Variants in PCDHGB4 observed in about 807,000 individuals in gnomAD.
PCDHGB4 encodes protocadherin gamma-B4.
In PCDHGB4, 38 loss-of-function variants were observed where a neutral mutation model predicts 60.5. The observed-to-expected ratio is 0.63, with a 90% CI of 0.48 to 0.82. The LOEUF is 0.82. PCDHGB4 is among the 40% of genes least tolerant of loss of function. The pLI is 0.00. For missense variants in PCDHGB4, 1,109 were observed against 1,209.6 expected (o/e 0.92, Z 1.23); for synonymous variants, 456 against 509.7 (o/e 0.89, Z 1.42).
intron 1 of PCDHGB4, chr5:141,409,926 T>G: frequency 6.2e-7 from 1 of 1,613,344 alleles, no homozygotes; most frequent in Non-Finnish European, 8.5e-7. Flanking sequence ...TCCGCGTTCT[T>G]CGATATGGTA....
rs2099883868 is a variant in PCDHGB4 at position 141,511,590 on chromosome 5, A to G, written c.*417A>G. On this transcript the variant is annotated 3_prime_UTR_variant, in exon 4 of 4. Transcript: ENST00000519479. The stretch of plus-strand genomic sequence containing the variant: ...AGTAAGGTGGTTGGGGTGTTGAAGT[A>G]CCAAGTAACCTACAAGCCTCCTAGT... 3.7e-6 allele frequency: 1 copy of G among 267,908 alleles called. No individual in the cohort carries two copies. The highest frequency in any genetic ancestry group is 7.4e-6 in the Non-Finnish European group (1 of 135,038). 16.6% of individuals were successfully genotyped at this position (267,908 alleles called of 1,614,324 possible). A position where few individuals can be genotyped will look rare whatever the true frequency, so the allele number is the denominator to read the frequency against.
chr5:141,477,553 A>T lies in PCDHGB4; in HGVS notation c.2398-17254A>T, dbSNP rs1478806410. 6.2e-7 allele frequency: 1 copy of T among 1,614,090 alleles called. No homozygotes were observed. Among genetic ancestry groups the T allele is most frequent in the Admixed American group, 1.7e-5 (1 of 60,028 alleles). On this transcript the variant is annotated intron_variant, in intron 1 of 3. Coordinates refer to ENST00000519479, the MANE Select transcript of PCDHGB4 (RefSeq NM_003736.4). The surrounding 1 kb of genome is among the most constrained non-coding windows in gnomAD (Gnocchi z 4.9). ...TCCCCGGGGCTCCAATACTAAACCT[A>T]AGTGTCTGGGACCCCGACGCCCCGC...
At chr5:141,504,545 TGTTGGGGG>T in intron 2 of PCDHGB4, among the ~76,000 whole-genome samples, 1 of 151,524 alleles carries the variant, frequency 6.6e-6, no homozygotes, top group South Asian at 2.1e-4. Flanking sequence ...TCATGGCAAA[TGTTGGGGG>T]ACTGGCATTC....
rs747159210 is a variant in PCDHGB4, at chr5:141,511,184, A to C, written c.*11A>C. 1.2e-5 allele frequency: 19 copies of C among 1,613,876 alleles called. No homozygotes were observed. In the Admixed American group the frequency reaches 3.2e-4, roughly 27 times the overall value. ...AAGGAGAAGAAGTAACATGGAGGCC[A>C]GGCCAAGAGCCACAGGGCGGCCTCT... is the stretch of plus-strand genomic sequence containing the variant. On this transcript the variant is annotated 3_prime_UTR_variant, in exon 4 of 4. Transcript: ENST00000519479.
At chr5:141,498,796 G>A (rs1160540093) in intron 2 of PCDHGB4, among the ~76,000 whole-genome samples, 1 of 152,032 alleles carries the variant, frequency 6.6e-6, no homozygotes, top group Non-Finnish European at 1.5e-5. Context: ...AGCCAGGTGT[G>A]GTGGTGCACA....
At chr5:141,465,983 A>G (rs1219092160) in intron 1 of PCDHGB4, among the ~76,000 whole-genome samples, 1 of 151,944 alleles carries the variant, frequency 6.6e-6, no homozygotes, top group East Asian at 1.9e-4. Context: ...TTAGCCGGGC[A>G]TGGTGGCAGG....
intron 1 of PCDHGB4, chr5:141,484,853 G>T (rs747582810): frequency 2.5e-4 from 64 of 251,466 alleles, no homozygotes; most frequent in Non-Finnish European, 4.3e-4. Flanking sequence ...GGGTTTTTTG[G>T]GGGGTGGGGG....
At chr5:141,453,492 G>A (rs1046043468) in intron 1 of PCDHGB4, among the ~76,000 whole-genome samples, 7 of 152,000 alleles carry the variant, frequency 4.6e-5, no homozygotes, top group African/African-American at 7.3e-5. Context: ...AAAAAAAGGT[G>A]TACTCAGAAA....
At chr5:141,422,166 T>A (rs370704205) in intron 1 of PCDHGB4, 1 of 1,569,256 alleles carries the variant, frequency 6.4e-7, no homozygotes, top group African/African-American at 1.4e-5. Context: ...TTGAAAAATA[T>A]AGATTCTATG....
Position 141,432,911 on chromosome 5 carries a change from C to G in PCDHGB4, c.2397+42630C>G. 5 of 1,614,176 alleles carry G rather than the reference C, an allele frequency of 3.1e-6. No homozygotes were observed. Among genetic ancestry groups the G allele is most frequent in the Non-Finnish European group, 4.2e-6 (5 of 1,180,014 alleles). Reference sequence around the variant, plus strand: ...CTTGCTGCTGGCGCTCAGGCTGCGGCGCTGGCACAAGTCACGCCTGCTGCA... The same window carrying G: ...CTTGCTGCTGGCGCTCAGGCTGCGGGGCTGGCACAAGTCACGCCTGCTGCA... On this transcript the variant is annotated intron_variant, in intron 1 of 3. Transcript: ENST00000519479. This position sits in a 1 kb window ranked among gnomAD's most constrained non-coding sequence, Gnocchi z 6.0.
intron 1 of PCDHGB4, among the ~76,000 whole-genome samples, chr5:141,406,034 A>T (rs1438349168): frequency 6.7e-6 from 1 of 149,160 alleles, no homozygotes; most frequent in Non-Finnish European, 1.5e-5. Flanking sequence ...GGGTTGCTTC[A>T]TTGGTTGCAG....
chr5:141,477,639 G>T lies in PCDHGB4; in HGVS notation c.2398-17168G>T, dbSNP rs2099414883. ...GGAGCTGAAACCGGGCTAGTGGGTCGCTATTTCACAATAAATCGTGACAAT... is the reference window on the plus strand; with the variant it reads ...GGAGCTGAAACCGGGCTAGTGGGTCTCTATTTCACAATAAATCGTGACAAT... On this transcript the variant is annotated intron_variant, in intron 1 of 3. Transcript: ENST00000519479. The surrounding 1 kb of genome is among the most constrained non-coding windows in gnomAD (Gnocchi z 4.9). 3.1e-6 allele frequency: 5 copies of T among 1,614,004 alleles called. No homozygotes were observed. Among genetic ancestry groups the T allele is most frequent in the Non-Finnish European group, 4.2e-6 (5 of 1,180,034 alleles).
chr5:141,413,388 C>T (rs765673305), intron 1 of PCDHGB4: 39 of 1,614,012 alleles, frequency 2.4e-5, no homozygotes, highest in Non-Finnish European at 3.2e-5. Context: ...TCCGCATAGT[C>T]TCCAGAGGTA....
chr5:141,395,123 TC>T, intron 1 of PCDHGB4: 1 of 1,614,148 alleles, frequency 6.2e-7, no homozygotes, highest in Non-Finnish European at 8.5e-7. Flanking sequence ...ACCTGATCTT[TC>T]CCCAGCCCAA....
chr5:141,407,807 T>G (rs916388568), intron 1 of PCDHGB4, among the ~76,000 whole-genome samples: 1 of 152,202 alleles, frequency 6.6e-6, no homozygotes, highest in African/African-American at 2.4e-5. Context: ...CATAGAAATA[T>G]CTACTATAAT....
intron 1 of PCDHGB4, chr5:141,479,712 C>T (rs1488849933): frequency 6.6e-6 from 1 of 152,216 alleles, no homozygotes; most frequent in Non-Finnish European, 1.5e-5. Flanking sequence ...CCCTGTCCTT[C>T]CAGCCTTATT....
chr5:141,404,908 C>T, intron 1 of PCDHGB4: 1 of 1,613,882 alleles, frequency 6.2e-7, no homozygotes, highest in Non-Finnish European at 8.5e-7. Context: ...ATGGCCAGCC[C>T]CCTCTCTCGG....
At chr5:141,426,625 A>G (rs770683989) in intron 1 of PCDHGB4, 29 of 394,754 alleles carry the variant, frequency 7.3e-5, no homozygotes, top group South Asian at 7.2e-5. Context: ...AATCCTCTAA[A>G]TGTTTTTCAC....
At chr5:141,481,913 C>CAAA (rs34114744) in intron 1 of PCDHGB4, among the ~76,000 whole-genome samples, 3 of 90,796 alleles carry the variant, frequency 3.3e-5, no homozygotes, top group Non-Finnish European at 4.4e-5. Flanking sequence ...AACTCCATCT[C>CAAA]AAAAAAAAAA....
Sources: allele counts gnomAD v4.1 joint callset (sites outside exome capture counted in the v4.1 genomes callset), GRCh38; gene constraint gnomAD v4.1.1; non-coding constraint Gnocchi (gnomAD v3.1); transcripts MANE v1.5; gene names NCBI Gene and HGNC (gene_info 2026-07-23, HGNC 2026-07-21).